PPP2R2C: variants seen among roughly 807,000 people sequenced by gnomAD.
PPP2R2C encodes the protein protein phosphatase 2, regulatory subunit B, gamma.
A neutral mutation model predicts 45.3 loss-of-function variants in PPP2R2C; 10 were observed. The observed-to-expected ratio is 0.22, with a 90% CI of 0.14 to 0.37. PPP2R2C has a LOEUF of 0.37. Ranked by LOEUF, PPP2R2C falls within the 10% of genes least tolerant of loss-of-function variation. PPP2R2C has a pLI of 1.00. For missense variants in PPP2R2C, 308 were observed against 619.7 expected (o/e 0.50, Z 5.34); for synonymous variants, 257 against 245.4 (o/e 1.05, Z -0.44).
At chr4:6,473,447 C>G (rs906349591), upstream of PPP2R2C, among the ~76,000 whole-genome samples, 1 of 152,162 alleles carries the variant, frequency 6.6e-6, no homozygotes, top group African/African-American at 2.4e-5. Context: ...GAATCACAGT[C>G]CCCTGCACGG....
chr4:6,358,722 G>A (rs1253397867), intron 5 of PPP2R2C, among the ~76,000 whole-genome samples: 1 of 152,194 alleles, frequency 6.6e-6, no homozygotes, highest in Non-Finnish European at 1.5e-5. Context: ...AGACATTTAT[G>A]CAGCCAACAG....
At chr4:6,342,081 T>TACAC (rs58305750) in intron 6 of PPP2R2C, among the ~76,000 whole-genome samples, 3,296 of 139,672 alleles carry the variant, frequency 0.024, 74 homozygotes, top group South Asian at 0.074. Context: ...TCTGCCACGA[T>TACAC]ACACACACAC....
chr4:6,405,238 G>A lies in PPP2R2C; in HGVS notation c.71-24144C>T, dbSNP rs577974190. Reference sequence around the variant, plus strand: ...GCCAAGCGAGCGGGTTCCCCAGGTCGCAGAACTCCCGCACAGCAGAGCTGG... The same window carrying A: ...GCCAAGCGAGCGGGTTCCCCAGGTCACAGAACTCCCGCACAGCAGAGCTGG... On this transcript the variant is annotated intron_variant, in intron 1 of 8. Coordinates refer to ENST00000382599, the MANE Select transcript of PPP2R2C (RefSeq NM_020416.4). 2.3e-3 allele frequency among the ~76,000 whole-genome samples: 350 copies of A among 152,266 alleles called. 1 individual carries two copies. Among genetic ancestry groups the A allele is most frequent in the African/African-American group, 8.1e-3 (338 of 41,544 alleles).
chr4:6,345,835 G>T lies in PPP2R2C; in HGVS notation c.790+2011C>A, dbSNP rs560902712. Among the ~76,000 whole-genome samples the T allele has an allele frequency of 8.7e-4, 133 of 152,228 alleles. 1 individual carries two copies. The highest frequency in any genetic ancestry group is 3.2e-3 in the African/African-American group (131 of 41,526). ...CCCTGCACCCCGGGAATCTCAGCTG[G>T]TCTCCAGCCTCCCATCAGTCCACGG... On this transcript the variant is annotated intron_variant, in intron 6 of 8. Transcript: ENST00000382599. The surrounding 1 kb of genome is among the most constrained non-coding windows in gnomAD (Gnocchi z 5.3).
chr4:6,375,297 C>T (rs1012701935), intron 4 of PPP2R2C, among the ~76,000 whole-genome samples: 5 of 152,200 alleles, frequency 3.3e-5, no homozygotes, highest in Non-Finnish European at 7.3e-5. Context: ...TTTATGGCGG[C>T]TCACTGGATG....
intron 1 of PPP2R2C, among the ~76,000 whole-genome samples, chr4:6,427,599 C>T (rs547687451): frequency 1.3e-5 from 2 of 152,360 alleles, no homozygotes; most frequent in African/African-American, 2.4e-5. Flanking sequence ...TCCTCAGTGG[C>T]TCCTTCCCCT....
chr4:6,473,419 C>T (rs555499044), upstream of PPP2R2C, among the ~76,000 whole-genome samples: 40 of 152,186 alleles, frequency 2.6e-4, no homozygotes, highest in Non-Finnish European at 5.3e-4. Flanking sequence ...CCTCCTCCAC[C>T]GTGACCCACC....
At position 6,368,102 on chromosome 4, in the gene PPP2R2C, GC is replaced by G. The variant is rs1303889056; in HGVS notation, c.625+4420del. Among the ~76,000 whole-genome samples the G allele has an allele frequency of 2.0e-5, 3 of 152,272 alleles. No individual in the cohort carries two copies. Among genetic ancestry groups the G allele is most frequent in the African/African-American group, 7.2e-5 (3 of 41,550 alleles). ...AGGGATGTTCCCAGGATCCACAGGGGCCCCCGATCTGCTGACACTCCTCCCT... is the reference window on the plus strand; with the variant it reads ...AGGGATGTTCCCAGGATCCACAGGGGCCCCGATCTGCTGACACTCCTCCCT... On this transcript the variant is annotated intron_variant, in intron 5 of 8. Transcript: ENST00000382599. This position sits in a 1 kb window ranked among gnomAD's most constrained non-coding sequence, Gnocchi z 4.2.
rs1724624464 is a variant in PPP2R2C, at chr4:6,536,647, GA to G, written c.-58-1271del. Among the ~76,000 whole-genome samples, 4 of 152,374 alleles carry G rather than the reference GA, an allele frequency of 2.6e-5. No individual in the cohort carries two copies. In the South Asian group the frequency reaches 8.3e-4, roughly 32 times the overall value. ...TCCTGTGCAGGGTGGGTGCAGTGGA[GA>G]AGGGGGCAGCTCCACAGGGGACAAT... On this transcript the variant is annotated intron_variant, in intron 1 of 9. Transcript: ENST00000506140.
chr4:6,490,617 A>G (rs1460328681), intron 2 of PPP2R2C, among the ~76,000 whole-genome samples: 1 of 152,154 alleles, frequency 6.6e-6, no homozygotes. Flanking sequence ...GGGAAACATG[A>G]CTGCAAACCA....
intron 1 of PPP2R2C, among the ~76,000 whole-genome samples, chr4:6,424,727 T>A (rs1719191548): frequency 6.6e-6 from 1 of 152,130 alleles, no homozygotes; most frequent in Admixed American, 6.5e-5. Context: ...GGTTCAGGGA[T>A]GGGACCGTGT....
chr4:6,485,577 T>C (rs1201863417), intron 2 of PPP2R2C, among the ~76,000 whole-genome samples: 2 of 151,952 alleles, frequency 1.3e-5, no homozygotes, highest in Admixed American at 1.3e-4. Flanking sequence ...GATATCTATT[T>C]CTTCTTCAGT....
intron 1 of PPP2R2C, among the ~76,000 whole-genome samples, chr4:6,437,980 G>A (rs61557217): frequency 0.015 from 2,350 of 152,296 alleles, 66 homozygotes; most frequent in African/African-American, 0.054. Context: ...TCCCAAACCC[G>A]TGGGGCTGCT....
intron 1 of PPP2R2C, among the ~76,000 whole-genome samples, chr4:6,454,069 G>A (rs760816052): frequency 6.6e-6 from 1 of 152,216 alleles, no homozygotes; most frequent in East Asian, 1.9e-4. Flanking sequence ...ACAGGAAAAT[G>A]GCATGGAGAG....
upstream of PPP2R2C, among the ~76,000 whole-genome samples, chr4:6,477,542 C>T (rs561765985): frequency 2.6e-4 from 39 of 151,878 alleles, no homozygotes; most frequent in Admixed American, 1.5e-3. Flanking sequence ...CTGGCTAACA[C>T]GGTGAAACCC....
chr4:6,400,175 T>A (rs1001328665), intron 1 of PPP2R2C, among the ~76,000 whole-genome samples: 1 of 152,220 alleles, frequency 6.6e-6, no homozygotes, highest in African/African-American at 2.4e-5. Context: ...CTTTTCCAAC[T>A]ACATATCTGT....
intron 1 of PPP2R2C, among the ~76,000 whole-genome samples, chr4:6,434,923 G>T (rs1309803017): frequency 6.7e-6 from 1 of 150,190 alleles, no homozygotes; most frequent in Non-Finnish European, 1.5e-5. Context: ...TTCTTCTATT[G>T]AATTTTTTTG....
intron 1 of PPP2R2C, among the ~76,000 whole-genome samples, chr4:6,424,048 G>C (rs914546914): frequency 1.4e-4 from 22 of 152,242 alleles, no homozygotes; most frequent in African/African-American, 5.3e-4. Context: ...GCTGGAGGAA[G>C]GGCCACGGCA....
Position 6,323,251 on chromosome 4 carries a change from CG to C in PPP2R2C, c.*50del. The C allele has an allele frequency of 6.5e-7, 1 of 1,544,360 alleles. No homozygotes were observed. The highest frequency in any genetic ancestry group is 8.8e-7 in the Non-Finnish European group (1 of 1,135,414). On this transcript the variant is annotated 3_prime_UTR_variant, in exon 9 of 9. Transcript: ENST00000382599. ...TGCATTGCGGTCGTGAAGGTCATGT[CG>C]GGGATGACTTGCATGAGGCTGGGTG...
Sources: gnomAD v4.1 joint callset for allele counts (sites outside exome capture counted in the v4.1 genomes callset) on GRCh38, gnomAD v4.1.1 for gene constraint, Gnocchi (gnomAD v3.1) non-coding constraint, MANE v1.5 for transcripts, NCBI Gene and HGNC (gene_info 2026-07-23, HGNC 2026-07-21) for gene names.